ABTB3: variants seen among roughly 807,000 people sequenced by gnomAD.
ABTB3 encodes ankyrin repeat and BTB domain containing 3.
At chr12:107,388,835 C>A in the ABTB3 span, among the ~76,000 whole-genome samples, 7,574 of 152,310 alleles carry the variant, frequency 0.05, 227 homozygotes, top group Middle Eastern at 0.092. Flanking sequence ...GAATAATGAA[C>A]ATGGTCAAGT....
At chr12:107,571,898 C>G in the ABTB3 span, among the ~76,000 whole-genome samples, 1 of 152,212 alleles carries the variant, frequency 6.6e-6, no homozygotes, top group Non-Finnish European at 1.5e-5. Context: ...AGAGCTGGCA[C>G]TCTCTAGACC....
chr12:107,335,977 C>T, the ABTB3 span, among the ~76,000 whole-genome samples: 4 of 152,142 alleles, frequency 2.6e-5, no homozygotes, highest in African/African-American at 7.2e-5. Flanking sequence ...CCTCCTGCCC[C>T]GACAATTGTT....
chr12:107,371,398 A>G, the ABTB3 span, among the ~76,000 whole-genome samples: 1 of 152,164 alleles, frequency 6.6e-6, no homozygotes, highest in Non-Finnish European at 1.5e-5. Flanking sequence ...CTGTCCTGCC[A>G]GGCTTCTACG....
chr12:107,406,544 GCTC>G, the ABTB3 span, among the ~76,000 whole-genome samples: 1 of 152,036 alleles, frequency 6.6e-6, no homozygotes, highest in Non-Finnish European at 1.5e-5. Flanking sequence ...CACCATGCAT[GCTC>G]CTCAAGTGAG....
At chr12:107,456,877 T>G in the ABTB3 span, among the ~76,000 whole-genome samples, 1 of 152,008 alleles carries the variant, frequency 6.6e-6, no homozygotes, top group Non-Finnish European at 1.5e-5. Context: ...TTTTTTCTTT[T>G]TGAGACAGAG....
the ABTB3 span, among the ~76,000 whole-genome samples, chr12:107,416,077 C>G: frequency 1.3e-5 from 2 of 152,176 alleles, no homozygotes; most frequent in African/African-American, 4.8e-5. Context: ...GGCGCAGCTG[C>G]AAATGAGAAA....
chr12:107,362,165 G>T, the ABTB3 span, among the ~76,000 whole-genome samples: 1 of 152,248 alleles, frequency 6.6e-6, no homozygotes, highest in Non-Finnish European at 1.5e-5. Flanking sequence ...TGTAGCCACA[G>T]TTGGCTTCCT....
chr12:107,420,413 G>A, the ABTB3 span, among the ~76,000 whole-genome samples: 1 of 152,182 alleles, frequency 6.6e-6, no homozygotes. Context: ...GAAGAGCAAA[G>A]GCATGTCTTA....
the ABTB3 span, among the ~76,000 whole-genome samples, chr12:107,531,982 C>A: frequency 1.3e-5 from 2 of 152,168 alleles, no homozygotes; most frequent in Non-Finnish European, 2.9e-5. Context: ...GGCGGTCTTG[C>A]ACATCAGGGA....
At chr12:107,559,840 T>C in the ABTB3 span, among the ~76,000 whole-genome samples, 4 of 143,242 alleles carry the variant, frequency 2.8e-5, no homozygotes, top group South Asian at 8.9e-4. Context: ...CAATAAAAGG[T>C]GCTATGAATT....
chr12:107,566,615 A>G, the ABTB3 span, among the ~76,000 whole-genome samples: 1 of 150,934 alleles, frequency 6.6e-6, no homozygotes. Context: ...AACAGGAAAC[A>G]GGCATGATGT....
chr12:107,518,027 C>T, the ABTB3 span, among the ~76,000 whole-genome samples: 3 of 152,132 alleles, frequency 2.0e-5, no homozygotes, highest in Non-Finnish European at 4.4e-5. Flanking sequence ...TCATCACTGG[C>T]CATCAGAGAA....
chr12:107,449,144 A>G, the ABTB3 span, among the ~76,000 whole-genome samples: 1 of 152,162 alleles, frequency 6.6e-6, no homozygotes, highest in South Asian at 2.1e-4. Flanking sequence ...CACTTGTAAA[A>G]TTGCAGCACT....
At chr12:107,585,221 A>G in the ABTB3 span, among the ~76,000 whole-genome samples, 1 of 152,140 alleles carries the variant, frequency 6.6e-6, no homozygotes, top group Admixed American at 6.5e-5. Context: ...AATGGTACCT[A>G]TCAACAGGAT....
chr12:107,453,283 A>G, the ABTB3 span, among the ~76,000 whole-genome samples: 1 of 152,178 alleles, frequency 6.6e-6, no homozygotes, highest in African/African-American at 2.4e-5. Flanking sequence ...GGAGGTTGCT[A>G]TAGATTGAAT....
At chr12:107,549,289 A>G in the ABTB3 span, among the ~76,000 whole-genome samples, 3 of 152,236 alleles carry the variant, frequency 2.0e-5, no homozygotes, top group Non-Finnish European at 4.4e-5. Flanking sequence ...AACCAAATAC[A>G]TGTTCCATGA....
At chr12:107,551,176 C>T in the ABTB3 span, among the ~76,000 whole-genome samples, 1 of 152,188 alleles carries the variant, frequency 6.6e-6, no homozygotes, top group Non-Finnish European at 1.5e-5. Flanking sequence ...TCACATCTGG[C>T]TCATTTTGCA....
the ABTB3 span, among the ~76,000 whole-genome samples, chr12:107,546,721 C>T: frequency 2.6e-5 from 4 of 151,830 alleles, no homozygotes; most frequent in Admixed American, 2.6e-4. Flanking sequence ...AAAAATCAGC[C>T]AGGTGTGGTG....
the ABTB3 span, among the ~76,000 whole-genome samples, chr12:107,341,468 A>G: frequency 6.6e-6 from 1 of 152,168 alleles, no homozygotes; most frequent in Non-Finnish European, 1.5e-5. Flanking sequence ...GCAGGGTTCC[A>G]TGGGCCTCAG....
Sources: gnomAD v4.1 joint callset for allele counts (sites outside exome capture counted in the v4.1 genomes callset) on GRCh38, gnomAD v4.1.1 for gene constraint, MANE v1.5 for transcripts, NCBI Gene and HGNC (gene_info 2026-07-23, HGNC 2026-07-21) for gene names.